PPP1R3C: variants seen among roughly 807,000 people sequenced by gnomAD.
PPP1R3C encodes the protein PP1 subunit R5.
Under a neutral mutation model 29.3 loss-of-function variants are expected in PPP1R3C, and 20 were observed. The observed-to-expected ratio is 0.68, with a 90% CI of 0.48 to 0.99. The LOEUF (loss-of-function observed/expected upper bound fraction) is 0.99, where lower values mean the gene tolerates loss of function less well. PPP1R3C is among the 50% of genes least tolerant of loss of function. PPP1R3C has a pLI of 0.00. For missense variants in PPP1R3C, 321 were observed against 386.0 expected, an observed-to-expected ratio of 0.83 and a Z score of 1.41; for synonymous variants, 123 against 143.1, an observed-to-expected ratio of 0.86 and a Z score of 1.00.
At chr10:91,632,724 A>T (rs555915018) in intron 1 of PPP1R3C, among the ~76,000 whole-genome samples, 1 of 152,248 alleles carries the variant, frequency 6.6e-6, no homozygotes, top group South Asian at 2.1e-4. Context: ...TCACGTTAAG[A>T]TAATTTCTGC....
At chr10:91,631,208 G>A (rs1848714951) in intron 1 of PPP1R3C, among the ~76,000 whole-genome samples, 1 of 152,186 alleles carries the variant, frequency 6.6e-6, no homozygotes, top group Non-Finnish European at 1.5e-5. Flanking sequence ...CCTCAAACCT[G>A]TCTGGTCACT....
At position 91,628,910 on chromosome 10, in the gene PPP1R3C, C is replaced by A. The variant is rs943642366; in HGVS notation, c.*1017G>T. 6.6e-6 allele frequency: 1 copy of A among 152,432 alleles called. No individual in the cohort carries two copies. Among genetic ancestry groups the A allele is most frequent in the African/African-American group, 2.4e-5 (1 of 41,414 alleles). 9.4% of individuals were successfully genotyped at this position (152,432 alleles called of 1,614,324 possible). A position where few individuals can be genotyped will look rare whatever the true frequency, so the allele number is the denominator to read the frequency against. On this transcript the variant is annotated 3_prime_UTR_variant, in exon 2 of 2. Transcript: ENST00000238994. ...AAAAAGTGTGCAGAAAAATGAGTCA[C>A]CTTCAATATGAAGGATGTGAGTTGT... is the stretch of plus-strand genomic sequence containing the variant.
Position 91,630,498 on chromosome 10 carries a change from T to C in PPP1R3C, c.383A>G (p.His128Arg). The C allele has an allele frequency of 6.2e-7, 1 of 1,614,160 alleles. No individual in the cohort carries two copies. Among genetic ancestry groups the C allele is most frequent in the Non-Finnish European group, 8.5e-7 (1 of 1,180,016 alleles). ...DLNDISSALK[H>R]HEEKNLILDF... ...TAAAATCAAGTTTTTCTCCTCGTGG[T>C]GTTTTAAGGCAGAGGAGATATCATT... The change falls in exon 2 of 2, where the codon CAC becomes CGC. Residue 128 changes from histidine to arginine, a missense_variant. Physicochemically the swap from His to Arg is conservative, Grantham distance 29 (BLOSUM62 0). Coordinates refer to ENST00000238994, the MANE Select transcript of PPP1R3C (RefSeq NM_005398.7). This position sits in a 1 kb window ranked among gnomAD's most constrained non-coding sequence, Gnocchi z 4.4.
At position 91,631,250 on chromosome 10, in the gene PPP1R3C, G is replaced by A. The variant is rs111867246; in HGVS notation, c.15-384C>T. ...AGGGAATTCATTTTCTTTCTTTCTTGTCTTTCCTCCTTTCCTCCTTCCCTC... is the reference window on the plus strand; with the variant it reads ...AGGGAATTCATTTTCTTTCTTTCTTATCTTTCCTCCTTTCCTCCTTCCCTC... On this transcript the variant is annotated intron_variant, in intron 1 of 1. Transcript: ENST00000238994. Among the ~76,000 whole-genome samples the A allele has an allele frequency of 6.6e-4, 101 of 152,196 alleles. 1 individual carries two copies. The highest frequency in any genetic ancestry group is 2.1e-3 in the African/African-American group (86 of 41,544).
rs778620061 is a variant in PPP1R3C, at chr10:91,630,208, CAG to C, written c.671_672del (p.Pro224ArgfsTer5). 5 of 1,614,086 alleles carry C rather than the reference CAG, an allele frequency of 3.1e-6. No homozygotes were observed. Among genetic ancestry groups the C allele is most frequent in the African/African-American group, 1.3e-5 (1 of 74,928 alleles). On this transcript the variant is annotated frameshift_variant, in exon 2 of 2. Coordinates refer to ENST00000238994, the MANE Select transcript of PPP1R3C (RefSeq NM_005398.7). LOFTEE classifies it high-confidence loss of function. The surrounding 1 kb of genome is among the most constrained non-coding windows in gnomAD (Gnocchi z 4.4). Reference protein sequence around the residue: ...DTFSFAIDLPPVIPTEQKIEF... With the variant: ...DTFSFAIDLPXVIPTEQKIEF... Reference sequence around the variant, plus strand: ...TCAATTTTCTGCTCAGTTGGAATGACAGGGGGTAAGTCAATGGCAAATGAGAA... The same window carrying C: ...TCAATTTTCTGCTCAGTTGGAATGACGGGGTAAGTCAATGGCAAATGAGAA...
In PPP1R3C at chr10:91,629,883, T is replaced by C. The variant is rs1426796212; in HGVS notation, c.*44A>G. On this transcript the variant is annotated 3_prime_UTR_variant, in exon 2 of 2. Transcript: ENST00000238994. Reference sequence around the variant, plus strand: ...TGAGCAATACAGACCTAGGATTGCATGGGGGAATATGACAAGTCAAGACCA... The same window carrying C: ...TGAGCAATACAGACCTAGGATTGCACGGGGGAATATGACAAGTCAAGACCA... 7.5e-6 allele frequency: 12 copies of C among 1,598,984 alleles called. No individual in the cohort carries two copies. Among genetic ancestry groups the C allele is most frequent in the Non-Finnish European group, 1.0e-5 (12 of 1,167,814 alleles).
In PPP1R3C at chr10:91,628,524, A is replaced by C. The variant is rs1334818541; in HGVS notation, c.*1403T>G. ...AGTGAAATATTTACAGTAGAAAAGT[A>C]TGGATGCTAGCCAAACTTCAAATTC... On this transcript the variant is annotated 3_prime_UTR_variant, in exon 2 of 2. Coordinates refer to ENST00000238994, the MANE Select transcript of PPP1R3C (RefSeq NM_005398.7). 2 of 152,238 alleles carry C rather than the reference A, an allele frequency of 1.3e-5. No homozygotes were observed. Among genetic ancestry groups the C allele is most frequent in the Non-Finnish European group, 2.9e-5 (2 of 68,040 alleles). 9.4% of individuals were successfully genotyped at this position (152,238 alleles called of 1,614,324 possible).
chr10:91,632,670 A>G (rs1043759606), intron 1 of PPP1R3C, among the ~76,000 whole-genome samples: 1 of 152,214 alleles, frequency 6.6e-6, no homozygotes, highest in Non-Finnish European at 1.5e-5. Flanking sequence ...GTGCAGGACC[A>G]AAAGAACAGC....
At position 91,630,446 on chromosome 10, in the gene PPP1R3C, G is replaced by A; in HGVS notation, c.435C>T (p.Tyr145=). 6.2e-7 allele frequency: 1 copy of A among 1,614,246 alleles called. No homozygotes were observed. Among genetic ancestry groups the A allele is most frequent in the South Asian group, 1.1e-5 (1 of 91,086 alleles). Residue 145 remains tyrosine (Y), a synonymous_variant, in exon 2 of 2, where the codon TAC becomes TAT. Transcript: ENST00000238994. The surrounding 1 kb of genome is among the most constrained non-coding windows in gnomAD (Gnocchi z 4.4). ...TCTGAAAGTGGCTCCGGAAACTTAA[G>A]TAATCGGTTGAAGGCTGAGGGAAAT... The part of the protein sequence containing the change: ...ILDFPQPSTD[Y]LSFRSHFQKN...
intron 1 of PPP1R3C, among the ~76,000 whole-genome samples, 155 bp downstream of exon 1, chr10:91,632,801 G>A (rs575605189): frequency 1.3e-5 from 2 of 152,250 alleles, no homozygotes; most frequent in East Asian, 1.9e-4. Context: ...CACCTCCAAG[G>A]CCTCTCGGTT....
rs1172027203 is a variant in PPP1R3C at position 91,632,935 on chromosome 10, G to A, written c.14+21C>T. 5.0e-6 allele frequency: 8 copies of A among 1,610,718 alleles called. No homozygotes were observed. The East Asian group carries it at 1.3e-4, about 27-fold the overall frequency. The stretch of plus-strand genomic sequence containing the variant: ...GCGCGTTCCCCTGTGTTCCTAGCGC[G>A]CAGAGTTGCAGCGAACCTACCTGGT... On this transcript the variant is annotated intron_variant, in intron 1 of 1. Transcript: ENST00000238994.
At position 91,630,555 on chromosome 10, in the gene PPP1R3C, G is replaced by T. The variant is rs774182089; in HGVS notation, c.326C>A (p.Ala109Glu). The T allele has an allele frequency of 1.2e-6, 2 of 1,613,924 alleles. No individual in the cohort carries two copies. The highest frequency in any genetic ancestry group is 2.7e-5 in the African/African-American group (2 of 74,880). ...HVFSDLPEEPAWDLQFDLLDL... is the reference protein window; with the variant it reads ...HVFSDLPEEPEWDLQFDLLDL... ...CAAGAGATCAAACTGCAGATCCCAC[G>T]CTGGTTCTTCTGGGAGGTCGGAGAA... Residue 109 changes from alanine to glutamate, a missense_variant, in exon 2 of 2, where the codon GCG (alanine) becomes GAG (glutamate). Transcript: ENST00000238994. The surrounding 1 kb of genome is among the most constrained non-coding windows in gnomAD (Gnocchi z 4.4).
At chr10:91,632,190 AGT>A (rs1337638415) in intron 1 of PPP1R3C, among the ~76,000 whole-genome samples, 1 of 152,222 alleles carries the variant, frequency 6.6e-6, no homozygotes, top group Non-Finnish European at 1.5e-5. Context: ...TTATCACAAA[AGT>A]GTGTAATAAC....
chr10:91,629,683 T>C lies in PPP1R3C; in HGVS notation c.*244A>G. ...GGAAGGAAGAAGGGAACTGAAAAAG[T>C]ATTACCTTTATAAAAATAGTTTTCA... On this transcript the variant is annotated 3_prime_UTR_variant, in exon 2 of 2. Coordinates refer to ENST00000238994, the MANE Select transcript of PPP1R3C (RefSeq NM_005398.7). 1.8e-6 allele frequency: 1 copy of C among 558,682 alleles called. No individual in the cohort carries two copies. Among genetic ancestry groups the C allele is most frequent in the Non-Finnish European group, 3.2e-6 (1 of 313,312 alleles). The allele number at this position is 558,682 out of a possible 1,614,324, so 34.6% of individuals were successfully genotyped here.
At chr10:91,631,470 C>T (rs1382539693) in intron 1 of PPP1R3C, among the ~76,000 whole-genome samples, 2 of 151,616 alleles carry the variant, frequency 1.3e-5, no homozygotes, top group Admixed American at 1.3e-4. Context: ...CCTCTGGCTA[C>T]GTTGGCTTAT....
At chr10:91,632,868 A>C in intron 1 of PPP1R3C, 88 bp downstream of exon 1, 1 of 1,532,808 alleles carries the variant, frequency 6.5e-7, no homozygotes, top group Non-Finnish European at 8.9e-7. Context: ...GTCCATTTCC[A>C]GAGATGATAG....
At position 91,628,594 on chromosome 10, in the gene PPP1R3C, A is replaced by G. The variant is rs565525281; in HGVS notation, c.*1333T>C. ...CGATAGTACTTTTCCACCATGGCAC[A>G]TCACACATGTTAAAATTAACTGCAT... On this transcript the variant is annotated 3_prime_UTR_variant, in exon 2 of 2. Coordinates refer to ENST00000238994, the MANE Select transcript of PPP1R3C (RefSeq NM_005398.7). 2.0e-5 allele frequency: 3 copies of G among 152,342 alleles called. No individual in the cohort carries two copies. In the East Asian group the frequency reaches 5.8e-4, roughly 29 times the overall value. 9.4% of individuals were successfully genotyped at this position (152,342 alleles called of 1,614,324 possible). A position where few individuals can be genotyped will look rare whatever the true frequency, so the allele number is the denominator to read the frequency against.
intron 1 of PPP1R3C, among the ~76,000 whole-genome samples, chr10:91,632,352 G>GA (rs1268170759): frequency 6.6e-6 from 1 of 151,612 alleles, no homozygotes; most frequent in Non-Finnish European, 1.5e-5. Context: ...GCTATGTCTG[G>GA]AGAAGCTATT....
rs199864633 is a variant in PPP1R3C at position 91,630,629 on chromosome 10, G to A, written c.252C>T (p.Arg84=). 83 of 1,611,204 alleles carry A rather than the reference G, an allele frequency of 5.2e-5. No homozygotes were observed. The East Asian group carries it at 9.1e-4, about 18-fold the overall frequency. The change falls in exon 2 of 2, where the codon CGC becomes CGT. Residue 84 remains arginine, a synonymous_variant. Coordinates refer to ENST00000238994, the MANE Select transcript of PPP1R3C (RefSeq NM_005398.7). This position sits in a 1 kb window ranked among gnomAD's most constrained non-coding sequence, Gnocchi z 4.4. ...GGCCCTTGGAGTCAGCAAACACAAC[G>A]CGCTTCTTGGCTTGGTTGTGTGAGC... ...WKCSHNQAKK[R]VVFADSKGLS... is the part of the protein sequence containing the mutation.
Sources: gnomAD v4.1 joint callset for allele counts (sites outside exome capture counted in the v4.1 genomes callset) on GRCh38, gnomAD v4.1.1 for gene constraint, Gnocchi (gnomAD v3.1) non-coding constraint, MANE v1.5 for transcripts, NCBI Gene and HGNC (gene_info 2026-07-23, HGNC 2026-07-21) for gene names.